The following HIVEP1 variants were observed in gnomAD, a reference collection of about 807,000 sequenced individuals.
HIVEP1 encodes the protein HIVEP zinc finger 1, also known as zinc finger protein 40.
HIVEP1 carries 36 observed loss-of-function variants against 180.0 expected under a neutral mutation model. The observed-to-expected ratio is 0.20, with a 90% CI of 0.15 to 0.26. The LOEUF is 0.26. HIVEP1 is among the 10% of genes least tolerant of loss of function. HIVEP1 has a pLI of 1.00. For synonymous variants in HIVEP1, 1,239 were observed against 1,239.0 expected, an observed-to-expected ratio of 1.00 and a Z score of 0.00; for missense variants, 3,143 against 3,268.7, an observed-to-expected ratio of 0.96 and a Z score of 0.94.
rs140597945 is a variant in HIVEP1 at position 12,142,728 on chromosome 6, A to G, written c.6487+6836A>G. The stretch of plus-strand genomic sequence containing the variant: ...ATCACCACTGATCCCACAGAATACA[A>G]ACTATCATCAGAGAATACTATAAAC... On this transcript the variant is annotated intron_variant, in intron 7 of 8. Coordinates refer to ENST00000379388, the MANE Select transcript of HIVEP1 (RefSeq NM_002114.4). Among the ~76,000 whole-genome samples the G allele has an allele frequency of 1.3e-3, 193 of 152,348 alleles. 1 individual carries two copies. The highest frequency in any genetic ancestry group is 2.1e-3 in the Admixed American group (32 of 15,298).
rs1773302189 is a variant in HIVEP1 at position 12,089,246 on chromosome 6, A to G, written c.94+9A>G. On this transcript the variant is annotated intron_variant, in intron 3 of 8. Coordinates refer to ENST00000379388, the MANE Select transcript of HIVEP1 (RefSeq NM_002114.4). ...AGAAGTTTCAAAAAAAGGTAAATTA[A>G]AATCAGCTTGAATGTAAACTTTATT... 6.6e-7 allele frequency: 1 copy of G among 1,517,244 alleles called. No individual in the cohort carries two copies. Among genetic ancestry groups the G allele is most frequent in the Non-Finnish European group, 9.1e-7 (1 of 1,096,058 alleles). 94.0% of individuals were successfully genotyped at this position (1,517,244 alleles called of 1,614,324 possible).
intron 2 of HIVEP1, among the ~76,000 whole-genome samples, chr6:12,050,430 A>G (rs552556108): frequency 6.6e-6 from 1 of 152,206 alleles, no homozygotes; most frequent in South Asian, 2.1e-4. Context: ...CTAAAAATTC[A>G]AAAACACTAG....
intron 3 of HIVEP1, among the ~76,000 whole-genome samples, chr6:12,093,250 T>C (rs1773590366): frequency 6.6e-6 from 1 of 152,026 alleles, no homozygotes; most frequent in African/African-American, 2.4e-5. Flanking sequence ...AAAAATTGAG[T>C]TATCTTTTTC....
At chr6:12,083,531 C>T (rs190552006) in intron 2 of HIVEP1, among the ~76,000 whole-genome samples, 7 of 151,984 alleles carry the variant, frequency 4.6e-5, no homozygotes, top group Non-Finnish European at 1.5e-5. Flanking sequence ...CTGTGAGGAC[C>T]GCTGCTGCTC....
At chr6:12,096,351 C>G (rs1451097368) in intron 3 of HIVEP1, among the ~76,000 whole-genome samples, 1 of 151,788 alleles carries the variant, frequency 6.6e-6, no homozygotes. Flanking sequence ...TTAACATAGG[C>G]ATGATTTATG....
intron 7 of HIVEP1, among the ~76,000 whole-genome samples, chr6:12,154,772 A>T (rs1245149737): frequency 6.6e-6 from 1 of 152,192 alleles, no homozygotes; most frequent in Non-Finnish European, 1.5e-5. Context: ...ACATGTATGT[A>T]ACAAACCTGC....
At chr6:12,147,116 T>C (rs1236559162) in intron 7 of HIVEP1, among the ~76,000 whole-genome samples, 1 of 151,812 alleles carries the variant, frequency 6.6e-6, no homozygotes, top group Non-Finnish European at 1.5e-5. Context: ...ACAAGAGAGT[T>C]CCACAGGGCC....
At chr6:12,125,891 C>A in intron 4 of HIVEP1, 21 bp downstream of exon 4, 1 of 1,465,972 alleles carries the variant, frequency 6.8e-7, no homozygotes, top group East Asian at 2.3e-5. Flanking sequence ...TATAATTTAT[C>A]TTCAGATATG....
chr6:12,032,254 T>C (rs1223072694), intron 2 of HIVEP1, among the ~76,000 whole-genome samples: 2 of 151,366 alleles, frequency 1.3e-5, no homozygotes, highest in South Asian at 2.1e-4. Flanking sequence ...CATTCTCCTG[T>C]CTCAGCCTCC....
the HIVEP1 span, among the ~76,000 whole-genome samples, chr6:12,194,359 TACAG>T: frequency 6.7e-6 from 1 of 149,254 alleles, no homozygotes; most frequent in Non-Finnish European, 1.5e-5. Flanking sequence ...TAAAGGAGAG[TACAG>T]AGAGAGAGAG....
chr6:12,211,934 G>A, the HIVEP1 span, among the ~76,000 whole-genome samples: 1 of 152,102 alleles, frequency 6.6e-6, no homozygotes, highest in Non-Finnish European at 1.5e-5. Flanking sequence ...TAAACTACAG[G>A]GCAAGCAAGA....
the HIVEP1 span, among the ~76,000 whole-genome samples, chr6:12,178,491 T>C: frequency 5.2e-4 from 79 of 152,216 alleles, no homozygotes; most frequent in African/African-American, 1.9e-3. Flanking sequence ...GGACAACAGG[T>C]ACATGGGAAA....
rs754275715 is a variant in HIVEP1 at position 12,123,224 on chromosome 6, C to G, written c.3429C>G (p.Ser1143Arg). ...TCATCCAGCACACCAACTCCCTGAG[C>G]AGGCCCAACTCATTTGACAAGCCTG... Reference protein sequence around the residue: ...ISVIQHTNSLSRPNSFDKPEP... With the variant: ...ISVIQHTNSLRRPNSFDKPEP... Residue 1143 changes from serine (S) to arginine (R), a missense_variant, in exon 4 of 9, where the codon AGC becomes AGG. By Grantham distance (110) the Ser-to-Arg change is moderately radical. Transcript: ENST00000379388. 2 of 1,614,196 alleles carry G rather than the reference C, an allele frequency of 1.2e-6. No individual in the cohort carries two copies. The highest frequency in any genetic ancestry group is 1.7e-6 in the Non-Finnish European group (2 of 1,180,024).
chr6:12,099,638 C>T (rs1483293510), intron 3 of HIVEP1, among the ~76,000 whole-genome samples: 1 of 152,112 alleles, frequency 6.6e-6, no homozygotes, highest in Admixed American at 6.5e-5. Flanking sequence ...TGCCTGGGGT[C>T]TCCTCACATC....
At chr6:12,080,220 C>T (rs1482997522) in intron 2 of HIVEP1, among the ~76,000 whole-genome samples, 1 of 152,100 alleles carries the variant, frequency 6.6e-6, no homozygotes, top group East Asian at 1.9e-4. Flanking sequence ...CTCACCTGGG[C>T]TCCTGTGGGC....
At chr6:12,139,997 A>G (rs765868758) in intron 7 of HIVEP1, among the ~76,000 whole-genome samples, 1 of 152,222 alleles carries the variant, frequency 6.6e-6, no homozygotes, top group Non-Finnish European at 1.5e-5. Flanking sequence ...TTCTCCCAGC[A>G]TGGTGTTTGA....
At chr6:12,038,847 T>C (rs888368911) in intron 2 of HIVEP1, 3 of 152,252 alleles carry the variant, frequency 2.0e-5, no homozygotes, top group African/African-American at 7.2e-5. Context: ...GGATCTCTAC[T>C]CTGCCTTTTA....
intron 2 of HIVEP1, among the ~76,000 whole-genome samples, chr6:12,081,475 A>T (rs1772782943): frequency 6.6e-6 from 1 of 152,078 alleles, no homozygotes; most frequent in Non-Finnish European, 1.5e-5. Context: ...CATCCTTTCC[A>T]CTAGCAGACT....
At chr6:12,091,310 G>T (rs760360850) in intron 3 of HIVEP1, among the ~76,000 whole-genome samples, 3 of 151,740 alleles carry the variant, frequency 2.0e-5, no homozygotes, top group Non-Finnish European at 2.9e-5. Flanking sequence ...ACGTACTTTG[G>T]GTTTTTTCAC....
Sources: allele counts gnomAD v4.1 joint callset (sites outside exome capture counted in the v4.1 genomes callset), GRCh38; gene constraint gnomAD v4.1.1; transcripts MANE v1.5; gene names NCBI Gene and HGNC (gene_info 2026-07-23, HGNC 2026-07-21).